The following ATP10B variants were observed in gnomAD, a reference collection of about 807,000 sequenced individuals.
ATP10B encodes phospholipid-transporting ATPase VB.
Under a neutral mutation model 141.2 loss-of-function variants are expected in ATP10B, and 122 were observed. That is an observed-to-expected ratio of 0.86 (90% CI 0.75 to 1.00). The LOEUF is 1.00. ATP10B is among the 50% of genes least tolerant of loss of function. The probability of loss-of-function intolerance (pLI) is 0.00; values close to 1 mark genes in which losing one functional copy is unlikely to be tolerated. For synonymous variants in ATP10B, 685 were observed against 692.0 expected, an observed-to-expected ratio of 0.99 and a Z score of 0.16; for missense variants, 1,876 against 1,825.3, an observed-to-expected ratio of 1.03 and a Z score of -0.51.
intron 10 of ATP10B, among the ~76,000 whole-genome samples, chr5:160,637,274 T>TATCC (rs1195393523): frequency 8.0e-5 from 12 of 149,404 alleles, no homozygotes; most frequent in African/African-American, 2.7e-4. Context: ...CTCACCCATT[T>TATCC]ATCCATCCAT....
chr5:160,842,266 A>C (rs1775854662), intron 1 of ATP10B, among the ~76,000 whole-genome samples: 1 of 152,220 alleles, frequency 6.6e-6, no homozygotes, highest in South Asian at 2.1e-4. Flanking sequence ...GGAAGTTTCT[A>C]AAATATCTTA....
intron 6 of ATP10B, among the ~76,000 whole-genome samples, chr5:160,676,532 C>A (rs1344568174): frequency 6.6e-6 from 1 of 152,168 alleles, no homozygotes; most frequent in Non-Finnish European, 1.5e-5. Context: ...AAGAAGCTTG[C>A]TAAGAGCTGC....
At chr5:160,833,498 A>C (rs1775228571) in intron 1 of ATP10B, among the ~76,000 whole-genome samples, 1 of 152,150 alleles carries the variant, frequency 6.6e-6, no homozygotes, top group South Asian at 2.1e-4. Context: ...GTTAATATTT[A>C]TTTCATCCTG....
chr5:160,813,567 G>A (rs189079358), intron 1 of ATP10B, among the ~76,000 whole-genome samples: 48 of 152,326 alleles, frequency 3.2e-4, no homozygotes, highest in Non-Finnish European at 6.2e-4. Context: ...GCAGGGCATA[G>A]CCAAACAAAA....
intron 2 of ATP10B, among the ~76,000 whole-genome samples, chr5:160,767,641 C>CCCG (rs112811888): frequency 2.6e-5 from 3 of 114,078 alleles, no homozygotes; most frequent in Admixed American, 1.0e-4. Flanking sequence ...CAGAACCCCC[C>CCCG]CCCCCAAAAT....
intron 24 of ATP10B, among the ~76,000 whole-genome samples, chr5:160,574,429 A>C (rs908760255): frequency 6.6e-6 from 1 of 152,212 alleles, no homozygotes; most frequent in Non-Finnish European, 1.5e-5. Flanking sequence ...GTGAGATTCT[A>C]TCTCAAAAAA....
chr5:160,918,648 G>A, the ATP10B span, among the ~76,000 whole-genome samples: 1 of 152,144 alleles, frequency 6.6e-6, no homozygotes, highest in Non-Finnish European at 1.5e-5. Flanking sequence ...AGATGTTGGA[G>A]AGGCAGACAC....
At chr5:160,736,683 C>A (rs1264024163) in intron 2 of ATP10B, among the ~76,000 whole-genome samples, 1 of 152,138 alleles carries the variant, frequency 6.6e-6, no homozygotes, top group Non-Finnish European at 1.5e-5. Flanking sequence ...TCGCTTGAAC[C>A]TGGGGGGCAG....
rs74696719 is a variant in ATP10B, at chr5:160,686,125, G to A, written c.424C>T (p.Arg142Cys). The A allele has an allele frequency of 1.8e-5, 29 of 1,603,810 alleles. No individual in the cohort carries two copies. Among genetic ancestry groups the A allele is most frequent in the East Asian group, 1.1e-4 (5 of 44,602 alleles). Residue 142 changes from arginine (R) to cysteine (C), a missense_variant, in exon 6 of 26, where the codon CGC becomes TGC. Transcript: ENST00000327245. ...KDGMEDFKRH[R>C]FDKAINCSNI... ...GAGCAGTTTATTGCTTTATCAAAGCGGTGTCTCTTGAAGTCCTCCATGCCA... is the reference window on the plus strand; with the variant it reads ...GAGCAGTTTATTGCTTTATCAAAGCAGTGTCTCTTGAAGTCCTCCATGCCA...
intron 24 of ATP10B, among the ~76,000 whole-genome samples, chr5:160,581,679 G>T (rs1276566344): frequency 6.6e-6 from 1 of 152,196 alleles, no homozygotes; most frequent in Non-Finnish European, 1.5e-5. Flanking sequence ...TTAGTCCAGA[G>T]CTGAGTTCAA....
At chr5:160,749,473 T>C (rs1768011876) in intron 2 of ATP10B, among the ~76,000 whole-genome samples, 1 of 152,130 alleles carries the variant, frequency 6.6e-6, no homozygotes, top group Non-Finnish European at 1.5e-5. Context: ...CCTGTTCCAG[T>C]TTCCACCCCT....
chr5:160,855,559 C>A (rs191564855), upstream of ATP10B, among the ~76,000 whole-genome samples: 1 of 151,298 alleles, frequency 6.6e-6, no homozygotes, highest in East Asian at 1.9e-4. Flanking sequence ...TTCTTTCAAT[C>A]CATAACTTAT....
the ATP10B span, among the ~76,000 whole-genome samples, chr5:160,868,309 T>C: frequency 1.1e-4 from 17 of 152,272 alleles, no homozygotes; most frequent in African/African-American, 2.9e-4. Flanking sequence ...AGAGAAAACC[T>C]GTGGTTCATT....
intron 13 of ATP10B, among the ~76,000 whole-genome samples, chr5:160,624,190 T>G (rs112355998): frequency 1.5e-4 from 23 of 152,234 alleles, no homozygotes; most frequent in African/African-American, 5.3e-4. Flanking sequence ...TTACCCAAGT[T>G]GAGAGTTTAA....
the ATP10B span, among the ~76,000 whole-genome samples, chr5:160,896,691 T>A: frequency 6.6e-6 from 1 of 152,166 alleles, no homozygotes; most frequent in African/African-American, 2.4e-5. Context: ...CCTAACTCAT[T>A]TTATGAGGCC....
At chr5:160,722,889 T>C (rs1766082845) in intron 2 of ATP10B, among the ~76,000 whole-genome samples, 1 of 152,202 alleles carries the variant, frequency 6.6e-6, no homozygotes, top group South Asian at 2.1e-4. Flanking sequence ...GCAGCAGCTC[T>C]GCTAATTACA....
chr5:160,605,906 C>A (rs1377315882), intron 19 of ATP10B, among the ~76,000 whole-genome samples: 1 of 152,196 alleles, frequency 6.6e-6, no homozygotes, highest in Non-Finnish European at 1.5e-5. Context: ...GTGCTTTGAG[C>A]TATGCGTACT....
At chr5:160,832,711 C>A (rs779978293) in intron 1 of ATP10B, among the ~76,000 whole-genome samples, 7 of 152,108 alleles carry the variant, frequency 4.6e-5, no homozygotes, top group Non-Finnish European at 8.8e-5. Context: ...AAACCCTCAT[C>A]TTCCTGACGA....
the ATP10B span, among the ~76,000 whole-genome samples, chr5:160,887,352 A>G: frequency 6.6e-6 from 1 of 152,136 alleles, no homozygotes; most frequent in African/African-American, 2.4e-5. Flanking sequence ...TGTTTAGGGA[A>G]TAACTACAAG....
Sources: gnomAD v4.1 joint callset for allele counts (sites outside exome capture counted in the v4.1 genomes callset) on GRCh38, gnomAD v4.1.1 for gene constraint, MANE v1.5 for transcripts, NCBI Gene and HGNC (gene_info 2026-07-23, HGNC 2026-07-21) for gene names.